Variants in MTUS2 observed in about 807,000 individuals in gnomAD.
MTUS2 encodes microtubule associated scaffold protein 2.
A neutral mutation model predicts 114.1 loss-of-function variants in MTUS2; 40 were observed. The ratio of observed to expected loss-of-function variants is 0.35; its 90% CI spans 0.27 to 0.46. MTUS2 has a LOEUF of 0.46. MTUS2 is among the 20% of genes least tolerant of loss of function. MTUS2 has a pLI of 1.00. For synonymous variants in MTUS2, 688 were observed against 672.0 expected, an observed-to-expected ratio of 1.02 and a Z score of -0.37; for missense variants, 1,679 against 1,705.4, an observed-to-expected ratio of 0.98 and a Z score of 0.27.
chr13:29,139,571 T>G (rs1235567831), intron 5 of MTUS2, among the ~76,000 whole-genome samples: 5 of 61,548 alleles, frequency 8.1e-5, no homozygotes, highest in Non-Finnish European at 1.2e-4. Context: ...TTGTTCACTT[T>G]ACTTAGTCCA....
rs1250994381 is a variant in MTUS2 at position 28,906,848 on chromosome 13, A to G, written c.-243+66998A>G. ...ACTTTGCACGGTGTTATCCAGGAGA[A>G]CTTCCCCAATCTAGCAAGGCAGGCC... On this transcript the variant is annotated intron_variant, in intron 2 of 15. Coordinates refer to ENST00000612955, the MANE Select transcript of MTUS2 (RefSeq NM_001033602.4). Among the ~76,000 whole-genome samples, 17 of 151,592 alleles carry G rather than the reference A, an allele frequency of 1.1e-4. 1 individual carries two copies. Among genetic ancestry groups the G allele is most frequent in the Non-Finnish European group, 2.2e-4 (15 of 67,948 alleles).
chr13:28,926,215 G>A (rs1278850215), intron 2 of MTUS2, among the ~76,000 whole-genome samples: 1 of 152,164 alleles, frequency 6.6e-6, no homozygotes, highest in Non-Finnish European at 1.5e-5. Flanking sequence ...AAAATAGTCT[G>A]CATTTGTGTT....
At chr13:29,345,133 C>G (rs753343159) in intron 7 of MTUS2, among the ~76,000 whole-genome samples, 37 of 152,112 alleles carry the variant, frequency 2.4e-4, no homozygotes, top group Non-Finnish European at 5.0e-4. Context: ...TGACTAGGTG[C>G]CTAGGCAATG....
rs113180088 is a variant in MTUS2, at chr13:29,278,572, T to C, written c.2645-3132T>C. On this transcript the variant is annotated intron_variant, in intron 5 of 15. Transcript: ENST00000612955. ...TCAGAAAGGTATAAATTAAAACCAG[T>C]TAATAAAATTAAAACAGTTGCCAAA... 1.9e-3 allele frequency among the ~76,000 whole-genome samples: 291 copies of C among 152,288 alleles called. 2 individuals carry two copies. The highest frequency in any genetic ancestry group is 6.6e-3 in the African/African-American group (274 of 41,560).
chr13:29,235,584 C>G, intron 5 of MTUS2, among the ~76,000 whole-genome samples: 1 of 152,056 alleles, frequency 6.6e-6, no homozygotes. Context: ...GTCTGAAATG[C>G]ATGCTTTGTT....
intron 2 of MTUS2, among the ~76,000 whole-genome samples, chr13:28,934,392 A>G (rs1161349603): frequency 6.6e-6 from 1 of 152,200 alleles, no homozygotes; most frequent in Admixed American, 6.6e-5. Flanking sequence ...AAATAAGTGT[A>G]TAAGGGCTTA....
intron 2 of MTUS2, among the ~76,000 whole-genome samples, chr13:28,976,905 C>T (rs1884135016): frequency 6.6e-6 from 1 of 152,216 alleles, no homozygotes; most frequent in Non-Finnish European, 1.5e-5. Context: ...CATAGACTAA[C>T]TCTGGAAGGA....
At chr13:29,464,882 G>C (rs1321183730) in intron 9 of MTUS2, among the ~76,000 whole-genome samples, 1 of 152,160 alleles carries the variant, frequency 6.6e-6, no homozygotes, top group East Asian at 1.9e-4. Flanking sequence ...ATAAGGCTTA[G>C]AAATCTGTTT....
chr13:28,992,632 T>C (rs931621043), intron 2 of MTUS2, among the ~76,000 whole-genome samples: 1 of 152,224 alleles, frequency 6.6e-6, no homozygotes, highest in Non-Finnish European at 1.5e-5. Context: ...GCTTGGGTTA[T>C]GCCTGACCAT....
At position 29,062,653 on chromosome 13, in the gene MTUS2, G is replaced by T. The variant is rs551668400; in HGVS notation, c.2446+28528G>T. On this transcript the variant is annotated intron_variant, in intron 4 of 15. Coordinates refer to ENST00000612955, the MANE Select transcript of MTUS2 (RefSeq NM_001033602.4). ...AACCTCTTAGATTAATAACAGGCCA[G>T]TATGCTGTGACTTAGATATCGGGAA... Among the ~76,000 whole-genome samples the T allele has an allele frequency of 1.6e-3, 239 of 152,120 alleles. 1 individual carries two copies. Among genetic ancestry groups the T allele is most frequent in the Non-Finnish European group, 1.7e-3 (113 of 67,992 alleles).
intron 2 of MTUS2, among the ~76,000 whole-genome samples, chr13:28,988,126 T>G (rs1263892088): frequency 1.3e-5 from 2 of 152,178 alleles, no homozygotes; most frequent in African/African-American, 4.8e-5. Context: ...GCAATTAGGA[T>G]AGAGACAGGA....
intron 8 of MTUS2, among the ~76,000 whole-genome samples, chr13:29,362,705 T>C (rs182547242): frequency 6.5e-4 from 99 of 152,284 alleles, no homozygotes; most frequent in Non-Finnish European, 4.1e-4. Context: ...TTTTTTAAAA[T>C]GAAAATGAAA....
At chr13:29,010,864 G>T (rs780558093) in intron 2 of MTUS2, among the ~76,000 whole-genome samples, 22 of 152,238 alleles carry the variant, frequency 1.4e-4, no homozygotes, top group Middle Eastern at 6.8e-3. Flanking sequence ...GCTAGTCCCA[G>T]CAGTCAGATG....
chr13:28,962,082 C>T (rs994137828), intron 2 of MTUS2, among the ~76,000 whole-genome samples: 7 of 151,046 alleles, frequency 4.6e-5, no homozygotes, highest in Admixed American at 2.6e-4. Context: ...TTAAAATATT[C>T]TCTATATACA....
chr13:29,214,007 ATAATAT>A (rs988766084), intron 5 of MTUS2, among the ~76,000 whole-genome samples: 3 of 151,916 alleles, frequency 2.0e-5, no homozygotes, highest in Admixed American at 1.3e-4. Context: ...TTTAGGGTTC[ATAATAT>A]TAATGTATGT....
intron 2 of MTUS2, among the ~76,000 whole-genome samples, chr13:28,911,752 C>G (rs148404396): frequency 1.6e-3 from 234 of 150,586 alleles, no homozygotes; most frequent in African/African-American, 5.4e-3. Flanking sequence ...TCGTGATGAT[C>G]GGTGATGTTG....
At chr13:28,892,790 A>G (rs953106124) in intron 2 of MTUS2, among the ~76,000 whole-genome samples, 1 of 152,184 alleles carries the variant, frequency 6.6e-6, no homozygotes, top group African/African-American at 2.4e-5. Context: ...TGGCCTTGCA[A>G]TGAACCTCAG....
intron 2 of MTUS2, among the ~76,000 whole-genome samples, chr13:28,970,636 A>T (rs756058127): frequency 3.3e-5 from 5 of 152,244 alleles, no homozygotes; most frequent in Non-Finnish European, 7.3e-5. Flanking sequence ...CCTTACTGTG[A>T]AACAATATCT....
At chr13:29,234,454 C>T (rs1896456146) in intron 5 of MTUS2, among the ~76,000 whole-genome samples, 1 of 152,136 alleles carries the variant, frequency 6.6e-6, no homozygotes, top group African/African-American at 2.4e-5. Flanking sequence ...AACCATGCAC[C>T]AAACTCTTTA....
Sources: gnomAD v4.1 joint callset for allele counts (sites outside exome capture counted in the v4.1 genomes callset) on GRCh38, gnomAD v4.1.1 for gene constraint, MANE v1.5 for transcripts, NCBI Gene and HGNC (gene_info 2026-07-23, HGNC 2026-07-21) for gene names.